Variants in SNX29 observed in about 807,000 individuals in gnomAD.
The protein encoded by SNX29 is sorting nexin-29.
Under a neutral mutation model 102.1 loss-of-function variants are expected in SNX29, and 78 were observed. That is an observed-to-expected ratio of 0.76 (90% CI 0.64 to 0.92). SNX29 has a LOEUF of 0.92. Among genes scored for constraint, SNX29 ranks in the 40% least tolerant of loss-of-function variants. The pLI is 0.00. For missense variants in SNX29, 1,280 were observed against 1,061.7 expected (o/e 1.21, Z -2.86); for synonymous variants, 580 against 414.5 (o/e 1.40, Z -4.85).
chr16:12,490,738 C>T (rs1334548130), intron 19 of SNX29, among the ~76,000 whole-genome samples: 4 of 152,194 alleles, frequency 2.6e-5, no homozygotes, highest in Non-Finnish European at 5.9e-5. Flanking sequence ...AACAGCTGTT[C>T]ACATTTTATC....
rs192226899 is a variant in SNX29 at position 12,295,902 on chromosome 16, T to C, written c.1782+17866T>C. On this transcript the variant is annotated intron_variant, in intron 15 of 20. Coordinates refer to ENST00000566228, the MANE Select transcript of SNX29 (RefSeq NM_032167.5). ...AGACCAACTTCTGCGCCCAGCGCTT[T>C]CATCTCCAGGTGCCTGAGATTAACG... Among the ~76,000 whole-genome samples, 183 of 152,380 alleles carry C rather than the reference T, an allele frequency of 1.2e-3. 2 individuals are homozygous for C. The highest frequency in any genetic ancestry group is 4.2e-3 in the African/African-American group (176 of 41,592).
intron 15 of SNX29, among the ~76,000 whole-genome samples, chr16:12,330,596 C>T (rs1294253746): frequency 6.6e-6 from 1 of 152,140 alleles, no homozygotes; most frequent in Admixed American, 6.5e-5. Context: ...AAACTGAGTC[C>T]CAGTGGGTTG....
chr16:12,356,395 C>T, intron 16 of SNX29, 116 bp downstream of exon 16: 1 of 827,840 alleles, frequency 1.2e-6, no homozygotes, highest in Non-Finnish European at 1.9e-6. Context: ...GATTTGCCCA[C>T]ATTCACCTCT....
chr16:12,075,349 A>G (rs185823771), intron 10 of SNX29, among the ~76,000 whole-genome samples: 1 of 152,118 alleles, frequency 6.6e-6, no homozygotes, highest in Admixed American at 6.5e-5. Context: ...TTTGGTGTGG[A>G]TGTCTTTTCT....
intron 13 of SNX29, among the ~76,000 whole-genome samples, chr16:12,184,132 A>G (rs912628551): frequency 6.6e-6 from 1 of 152,058 alleles, no homozygotes; most frequent in African/African-American, 2.4e-5. Flanking sequence ...AGATCCAAGA[A>G]CCCTCTCTTG....
At chr16:12,566,561 C>G (rs1035802325) in intron 20 of SNX29, among the ~76,000 whole-genome samples, 3 of 152,174 alleles carry the variant, frequency 2.0e-5, no homozygotes, top group African/African-American at 7.2e-5. Context: ...GAGGGCATGG[C>G]TTTAAACTGA....
chr16:12,568,162 T>C (rs2079091600), intron 20 of SNX29, among the ~76,000 whole-genome samples: 1 of 152,200 alleles, frequency 6.6e-6, no homozygotes, highest in Admixed American at 6.5e-5. Flanking sequence ...AAGCGTACCT[T>C]TGCTGGAAAA....
At chr16:12,023,805 G>T (rs1335538083) in intron 3 of SNX29, among the ~76,000 whole-genome samples, 2 of 152,128 alleles carry the variant, frequency 1.3e-5, no homozygotes, top group African/African-American at 4.8e-5. Flanking sequence ...AGATTCCTGT[G>T]CTTGGACAGG....
chr16:12,563,547 C>G (rs142324616), intron 20 of SNX29, among the ~76,000 whole-genome samples: 1,974 of 152,326 alleles, frequency 0.013, 153 homozygotes, highest in Admixed American at 0.11. Context: ...CCCACCACTA[C>G]CTGAGGGGTC....
intron 14 of SNX29, among the ~76,000 whole-genome samples, chr16:12,262,966 A>G (rs569841762): frequency 6.6e-6 from 1 of 152,244 alleles, no homozygotes; most frequent in Non-Finnish European, 1.5e-5. Context: ...TTATCTTTTG[A>G]ATGCAGTAGA....
intron 18 of SNX29, among the ~76,000 whole-genome samples, chr16:12,445,856 C>T (rs532053516): frequency 6.6e-6 from 1 of 152,100 alleles, no homozygotes; most frequent in Non-Finnish European, 1.5e-5. Context: ...CTGCTGCCCC[C>T]ATTCTACAGA....
At chr16:12,151,937 G>C (rs1009059660) in intron 13 of SNX29, among the ~76,000 whole-genome samples, 2 of 152,168 alleles carry the variant, frequency 1.3e-5, no homozygotes, top group African/African-American at 2.4e-5. Context: ...AGTTTTGCCT[G>C]TTGGCCAGAC....
At position 12,572,355 on chromosome 16, in the gene SNX29, G is replaced by C. The variant is rs1423652710; in HGVS notation, c.*3726G>C. On this transcript the variant is annotated 3_prime_UTR_variant, in exon 21 of 21. Transcript: ENST00000566228. Reference sequence around the variant, plus strand: ...CACCAGCCTGCCTGGTTGATGGACAGCAGGCTCTGCCTTCTGGAGGCGGCT... The same window carrying C: ...CACCAGCCTGCCTGGTTGATGGACACCAGGCTCTGCCTTCTGGAGGCGGCT... 1.9e-6 allele frequency: 2 copies of C among 1,062,764 alleles called. No homozygotes were observed. Among genetic ancestry groups the C allele is most frequent in the African/African-American group, 1.6e-5 (1 of 61,028 alleles). The allele number at this position is 1,062,764 out of a possible 1,614,324, so 65.8% of individuals were successfully genotyped here.
rs749632250 is a variant in SNX29, at chr16:12,508,624, C to T, written c.2179-16078C>T. Among the ~76,000 whole-genome samples the T allele has an allele frequency of 1.8e-4, 27 of 152,210 alleles. 1 individual carries two copies. Among genetic ancestry groups the T allele is most frequent in the Admixed American group, 1.2e-3 (19 of 15,276 alleles). On this transcript the variant is annotated intron_variant, in intron 19 of 20. Coordinates refer to ENST00000566228, the MANE Select transcript of SNX29 (RefSeq NM_032167.5). ...CTCCTGCTCTCAAAGGGCTGTGGTC[C>T]GCCAGAGCGTCCCTCCCGCTTTACC...
At chr16:12,430,763 C>T (rs544713169) in intron 18 of SNX29, among the ~76,000 whole-genome samples, 1 of 151,932 alleles carries the variant, frequency 6.6e-6, no homozygotes, top group East Asian at 1.9e-4. Context: ...AGAGAAGCTG[C>T]GGTGGGAGAA....
At chr16:12,561,919 C>T (rs1020194530) in intron 20 of SNX29, among the ~76,000 whole-genome samples, 3 of 152,170 alleles carry the variant, frequency 2.0e-5, no homozygotes, top group Non-Finnish European at 4.4e-5. Context: ...CTCCAGTTGC[C>T]TTCCAGGTGA....
intron 19 of SNX29, among the ~76,000 whole-genome samples, chr16:12,513,918 C>T (rs560243938): frequency 7.9e-5 from 12 of 152,294 alleles, no homozygotes; most frequent in African/African-American, 2.2e-4. Flanking sequence ...GAATTGCTCT[C>T]GTCAGCTTCC....
intron 15 of SNX29, among the ~76,000 whole-genome samples, chr16:12,290,587 T>A (rs535767224): frequency 7.2e-5 from 11 of 152,326 alleles, no homozygotes; most frequent in African/African-American, 2.6e-4. Flanking sequence ...TTTAATAATT[T>A]TTTTGGTTGC....
chr16:12,289,000 G>C (rs1171171685), intron 15 of SNX29, among the ~76,000 whole-genome samples: 1 of 152,178 alleles, frequency 6.6e-6, no homozygotes, highest in African/African-American at 2.4e-5. Flanking sequence ...CTAACTTTTA[G>C]TTCTAAGTGG....
Sources: gnomAD v4.1 joint callset for allele counts (sites outside exome capture counted in the v4.1 genomes callset) on GRCh38, gnomAD v4.1.1 for gene constraint, MANE v1.5 for transcripts, NCBI Gene and HGNC (gene_info 2026-07-23, HGNC 2026-07-21) for gene names.